Variants in MEGF11 observed in about 807,000 individuals in gnomAD.
The protein encoded by MEGF11 is multiple epidermal growth factor-like domains protein 11.
In MEGF11, 126 loss-of-function variants were observed where a neutral mutation model predicts 146.6. The ratio of observed to expected loss-of-function variants is 0.86; its 90% CI spans 0.74 to 1.00. The LOEUF (loss-of-function observed/expected upper bound fraction) is 1.00, where lower values mean the gene tolerates loss of function less well. Ranked by LOEUF, MEGF11 falls within the 50% of genes least tolerant of loss-of-function variation. The pLI, the probability that MEGF11 is intolerant of heterozygous loss-of-function variation, is 0.00. For missense variants in MEGF11, 1,509 were observed against 1,521.2 expected, an observed-to-expected ratio of 0.99 and a Z score of 0.13; for synonymous variants, 532 against 583.4, an observed-to-expected ratio of 0.91 and a Z score of 1.27.
chr15:66,037,338 C>T (rs2083764228), intron 5 of MEGF11, among the ~76,000 whole-genome samples: 1 of 152,218 alleles, frequency 6.6e-6, no homozygotes, highest in Admixed American at 6.5e-5. Flanking sequence ...GATAACTAAA[C>T]CCACTATCTG....
intron 4 of MEGF11, among the ~76,000 whole-genome samples, chr15:66,106,616 G>A (rs2087093019): frequency 6.6e-6 from 1 of 152,168 alleles, no homozygotes; most frequent in Non-Finnish European, 1.5e-5. Context: ...ACAGGCAGTA[G>A]GCAGCAGTCT....
At chr15:66,165,850 C>T (rs914325649) in intron 1 of MEGF11, among the ~76,000 whole-genome samples, 1 of 152,182 alleles carries the variant, frequency 6.6e-6, no homozygotes, top group African/African-American at 2.4e-5. Context: ...TGCCCAGGCT[C>T]AGCTCTACTC....
chr15:65,992,452 G>GTGTGTGGGGC (rs1567193595), intron 5 of MEGF11, among the ~76,000 whole-genome samples: 1 of 23,440 alleles, frequency 4.3e-5, no homozygotes, highest in African/African-American at 9.9e-5. Flanking sequence ...TGTGTGTGTG[G>GTGTGTGGGGC]GGGGGGGGGT....
In MEGF11 at chr15:65,913,790, CGG is replaced by C. The variant is rs1436508884; in HGVS notation, c.2655_2656del (p.Arg886CysfsTer23). On this transcript the variant is annotated frameshift_variant, in exon 20 of 26. Transcript: ENST00000395614. LOFTEE classifies it high-confidence loss of function. ...CCTCATGGCAGGTGTGTAGGAGACACGGGGAGCCAGGTCTCGGCCCTTCTCTT... is the reference window on the plus strand; with the variant it reads ...CCTCATGGCAGGTGTGTAGGAGACACGGAGCCAGGTCTCGGCCCTTCTCTT... The C allele has an allele frequency of 6.2e-7, 1 of 1,613,492 alleles. No individual in the cohort carries two copies. Among genetic ancestry groups the C allele is most frequent in the East Asian group, 2.2e-5 (1 of 44,884 alleles).
intron 10 of MEGF11, among the ~76,000 whole-genome samples, chr15:65,942,344 T>TG (rs1447007870): frequency 6.6e-6 from 1 of 152,198 alleles, no homozygotes; most frequent in Non-Finnish European, 1.5e-5. Context: ...AAATGGCTTA[T>TG]GGGGGCTTAT....
chr15:66,228,845 A>G (rs2091906476), intron 1 of MEGF11, among the ~76,000 whole-genome samples: 1 of 151,992 alleles, frequency 6.6e-6, no homozygotes, highest in Admixed American at 6.6e-5. Flanking sequence ...ACGCCACAGG[A>G]TGTCCCAGAG....
intron 5 of MEGF11, among the ~76,000 whole-genome samples, chr15:65,999,748 C>T (rs551664260): frequency 1.6e-4 from 25 of 152,338 alleles, no homozygotes; most frequent in South Asian, 1.5e-3. Context: ...TTCAACAAAA[C>T]ATTCAAGAAA....
At chr15:66,228,270 G>A (rs1282395546) in intron 1 of MEGF11, among the ~76,000 whole-genome samples, 1 of 152,096 alleles carries the variant, frequency 6.6e-6, no homozygotes, top group Non-Finnish European at 1.5e-5. Context: ...TCAAGTAGGA[G>A]AGTCAATAAA....
chr15:65,913,809 C>G lies in MEGF11; in HGVS notation c.2638G>C (p.Gly880Arg), dbSNP rs2078897213. Residue 880 changes from glycine to arginine, a missense_variant, in exon 20 of 26, where the codon GGC (glycine) becomes CGC (arginine). Gly to Arg is a moderately radical substitution (Grantham distance 125). Transcript: ENST00000395614. ...GAGACACGGGGAGCCAGGTCTCGGC[C>G]CTTCTCTTTCTGCCGCCGCCGATGC... ...AWHRRRQKEK[G>R]RDLAPRVSYT... is the part of the protein sequence containing the mutation. The G allele has an allele frequency of 6.2e-7, 1 of 1,613,800 alleles. No homozygotes were observed. The highest frequency in any genetic ancestry group is 8.5e-7 in the Non-Finnish European group (1 of 1,179,856).
chr15:65,980,839 C>A lies in MEGF11; in HGVS notation c.701G>T (p.Cys234Phe), dbSNP rs1178923552. The A allele has an allele frequency of 2.6e-5, 41 of 1,600,690 alleles. No homozygotes were observed. The highest frequency in any genetic ancestry group is 3.2e-5 in the Non-Finnish European group (37 of 1,174,424). The change falls in exon 7 of 26, where the codon TGT (cysteine) becomes TTT (phenylalanine). Residue 234 changes from cysteine (C) to phenylalanine (F), a missense_variant. Cys to Phe is a radical substitution (Grantham distance 205). Transcript: ENST00000395614. ...GTGGTGGCAGGTGCCCCCATTCTGA[C>A]AGGGGCAGCGCAGCTCACAGTGAGC... ...HGAHCELRCP[C>F]QNGGTCHHIT...
At chr15:65,918,888 TTCTACAGCTTGAGCTC>T (rs1450309474) in intron 15 of MEGF11, among the ~76,000 whole-genome samples, 2 of 152,240 alleles carry the variant, frequency 1.3e-5, no homozygotes, top group Non-Finnish European at 2.9e-5. Context: ...CCCACCTGCT[TTCTACAGCTTGAGCTC>T]TCTAAAGCAC....
intron 4 of MEGF11, among the ~76,000 whole-genome samples, chr15:66,101,009 A>G (rs1289654595): frequency 1.7e-5 from 1 of 59,666 alleles, no homozygotes; most frequent in Non-Finnish European, 3.2e-5. Context: ...GTGGATGGGC[A>G]CGTGGGTGGG....
rs915786278 is a variant in MEGF11 at position 65,961,300 on chromosome 15, C to A, written c.1113-3579G>T. 2.6e-5 allele frequency among the ~76,000 whole-genome samples: 4 copies of A among 152,088 alleles called. No homozygotes were observed. The South Asian group carries it at 6.2e-4, about 24-fold the overall frequency. The stretch of plus-strand genomic sequence containing the variant: ...GTTCTCTCTGGTTTTTTCTTTTCTC[C>A]CATTTCCCCCAGACATAGATTAATC... On this transcript the variant is annotated intron_variant, in intron 9 of 25. Coordinates refer to ENST00000395614, the MANE Select transcript of MEGF11 (RefSeq NM_001385028.1).
intron 3 of MEGF11, among the ~76,000 whole-genome samples, chr15:66,122,703 A>T (rs1381801075): frequency 6.6e-6 from 1 of 152,224 alleles, no homozygotes; most frequent in Non-Finnish European, 1.5e-5. Context: ...TATTTTTCAA[A>T]GTAATTTTCA....
intron 1 of MEGF11, among the ~76,000 whole-genome samples, chr15:66,152,764 C>T (rs1245531168): frequency 2.6e-5 from 4 of 152,232 alleles, no homozygotes; most frequent in South Asian, 2.1e-4. Context: ...TGCACATGGC[C>T]GGATGGCAGT....
chr15:66,242,809 C>T (rs1025848313), intron 1 of MEGF11, among the ~76,000 whole-genome samples: 1 of 152,168 alleles, frequency 6.6e-6, no homozygotes, highest in Non-Finnish European at 1.5e-5. Context: ...TGCCCTATCA[C>T]GCCTTCAGCC....
chr15:66,223,488 C>T (rs1002481249), intron 1 of MEGF11, among the ~76,000 whole-genome samples: 1 of 152,138 alleles, frequency 6.6e-6, no homozygotes, highest in African/African-American at 2.4e-5. Context: ...TAGTGAATTG[C>T]GAGATGGGTG....
chr15:66,089,869 A>G (rs1006107801), intron 5 of MEGF11, among the ~76,000 whole-genome samples: 2 of 152,228 alleles, frequency 1.3e-5, no homozygotes, highest in Admixed American at 6.5e-5. Context: ...GATTAGTGCA[A>G]TTTAATAAGA....
intron 12 of MEGF11, among the ~76,000 whole-genome samples, chr15:65,929,039 A>G (rs927424254): frequency 1.3e-5 from 2 of 152,220 alleles, no homozygotes; most frequent in African/African-American, 2.4e-5. Flanking sequence ...ATTCCATGAT[A>G]TGATTCCATT....
Sources: gnomAD v4.1 joint callset for allele counts (sites outside exome capture counted in the v4.1 genomes callset) on GRCh38, gnomAD v4.1.1 for gene constraint, MANE v1.5 for transcripts, NCBI Gene and HGNC (gene_info 2026-07-23, HGNC 2026-07-21) for gene names.